The following RABEP1 variants were observed in gnomAD, a reference collection of about 807,000 sequenced individuals.
RABEP1 encodes rabaptin, RAB GTPase binding effector protein 1.
Under a neutral mutation model 123.4 loss-of-function variants are expected in RABEP1, and 51 were observed. The observed-to-expected ratio is 0.41, with a 90% CI of 0.33 to 0.52. The LOEUF (loss-of-function observed/expected upper bound fraction) is 0.52, where lower values mean the gene tolerates loss of function less well. Among genes scored for constraint, RABEP1 ranks in the 20% least tolerant of loss-of-function variants. RABEP1 has a pLI of 0.16. For missense variants in RABEP1, 888 were observed against 996.3 expected (o/e 0.89, Z 1.46); for synonymous variants, 347 against 355.2 (o/e 0.98, Z 0.26).
At chr17:5,329,844 T>TATAA (rs1040436033) in intron 2 of RABEP1, among the ~76,000 whole-genome samples, 6 of 147,646 alleles carry the variant, frequency 4.1e-5, no homozygotes, top group Non-Finnish European at 7.5e-5. Flanking sequence ...TATATATATA[T>TATAA]AACTAAAGTT....
Position 5,353,861 on chromosome 17 carries a change from A to G in RABEP1, c.964-498A>G, listed in dbSNP as rs543592594. 2.3e-3 allele frequency among the ~76,000 whole-genome samples: 348 copies of G among 152,226 alleles called. 2 individuals are homozygous for G. The highest frequency in any genetic ancestry group is 3.4e-3 in the Non-Finnish European group (230 of 67,992). ...TAGGCGGGCGTGGTGGCACATGCCTATGATTCCAGCTATGTGGAGAGGATG... is the reference window on the plus strand; with the variant it reads ...TAGGCGGGCGTGGTGGCACATGCCTGTGATTCCAGCTATGTGGAGAGGATG... On this transcript the variant is annotated intron_variant, in intron 7 of 17. Coordinates refer to ENST00000537505, the MANE Select transcript of RABEP1 (RefSeq NM_004703.6).
intron 5 of RABEP1, among the ~76,000 whole-genome samples, chr17:5,343,821 G>T (rs1290801246): frequency 6.6e-6 from 1 of 151,354 alleles, no homozygotes; most frequent in Non-Finnish European, 1.5e-5. Flanking sequence ...GATTACAGGC[G>T]TGCACCACTG....
chr17:5,333,108 A>C (rs755691703), intron 3 of RABEP1, among the ~76,000 whole-genome samples: 7 of 152,150 alleles, frequency 4.6e-5, no homozygotes, highest in Non-Finnish European at 1.0e-4. Flanking sequence ...GATGATGATG[A>C]AACAAAGTAA....
In RABEP1 at chr17:5,346,797, A is replaced by G; in HGVS notation, c.656A>G (p.Glu219Gly). The change falls in exon 6 of 18, where the codon GAA becomes GGA. Residue 219 changes from glutamate to glycine, a missense_variant. Transcript: ENST00000537505. ...IKELEASKVK[E>G]LNHYLEAEKS... ...AATTGCATCTTCTTTCAGGTTAAAG[A>G]ACTGAATCATTATCTGGAAGCTGAG... 1.3e-6 allele frequency: 2 copies of G among 1,570,262 alleles called. No individual in the cohort carries two copies. Among genetic ancestry groups the G allele is most frequent in the Non-Finnish European group, 1.7e-6 (2 of 1,155,908 alleles).
chr17:5,373,697 CACACACACACACA>C (rs918487187), intron 13 of RABEP1, among the ~76,000 whole-genome samples: 2 of 73,020 alleles, frequency 2.7e-5, no homozygotes, highest in Non-Finnish European at 4.6e-5. Context: ...CAGCTAAACA[CACACACACACACA>C]CACACACACA....
chr17:5,310,600 G>T (rs542488890), intron 2 of RABEP1, among the ~76,000 whole-genome samples: 3 of 152,092 alleles, frequency 2.0e-5, no homozygotes, highest in South Asian at 2.1e-4. Context: ...GAGCCACCAC[G>T]CCTGGCCAAC....
intron 2 of RABEP1, among the ~76,000 whole-genome samples, chr17:5,323,819 A>AATATATATATATATCTAGGAATATAT (rs1567522193): frequency 1.4e-5 from 1 of 70,942 alleles, no homozygotes; most frequent in Non-Finnish European, 2.5e-5. Context: ...TATATCTAGG[A>AATATATATATATATCTAGGAATATAT]ATATATATAT....
chr17:5,353,242 T>A (rs1254415479), intron 7 of RABEP1, among the ~76,000 whole-genome samples: 1 of 152,192 alleles, frequency 6.6e-6, no homozygotes, highest in Non-Finnish European at 1.5e-5. Flanking sequence ...CTGGAACCCT[T>A]AATTGTCTCT....
rs1162044964 is a variant in RABEP1, at chr17:5,335,402, ATAT to A, written c.528+60_528+62del. ...TTGAATTCAAATGCAAAATGCTTTA[ATAT>A]TGTTGTGTAATAGAAAGTAATAGAA... On this transcript the variant is annotated intron_variant, in intron 4 of 17. Transcript: ENST00000537505. 11 of 1,423,232 alleles carry A rather than the reference ATAT, an allele frequency of 7.7e-6. No homozygotes were observed. The African/African-American group carries it at 1.0e-4, about 13-fold the overall frequency. The allele number at this position is 1,423,232 out of a possible 1,614,324, so 88.2% of individuals were successfully genotyped here.
chr17:5,373,718 A>ACACACACACACACACACACC, intron 13 of RABEP1, among the ~76,000 whole-genome samples: 1 of 150,144 alleles, frequency 6.7e-6, no homozygotes, highest in Non-Finnish European at 1.5e-5. Flanking sequence ...ACACACACAC[A>ACACACACACACACACACACC]CACACACACA....
intron 1 of RABEP1, among the ~76,000 whole-genome samples, chr17:5,296,408 C>T (rs1013587969): frequency 2.0e-5 from 3 of 152,078 alleles, no homozygotes; most frequent in African/African-American, 7.2e-5. Flanking sequence ...GGATTACAAG[C>T]ATGTGCCACC....
chr17:5,368,695 A>AT (rs1452085510), intron 12 of RABEP1, among the ~76,000 whole-genome samples: 3 of 152,104 alleles, frequency 2.0e-5, no homozygotes, highest in Non-Finnish European at 4.4e-5. Context: ...CGTTTAACTT[A>AT]TTTTTCTGAT....
Position 5,282,406 on chromosome 17 carries a change from C to A in RABEP1, c.-81C>A. 1 of 1,159,602 alleles carries A rather than the reference C, an allele frequency of 8.6e-7. No homozygotes were observed. Among genetic ancestry groups the A allele is most frequent in the Admixed American group, 3.2e-5 (1 of 30,772 alleles). 71.8% of individuals were successfully genotyped at this position (1,159,602 alleles called of 1,614,324 possible). On this transcript the variant is annotated 5_prime_UTR_variant, in exon 1 of 18. Coordinates refer to ENST00000537505, the MANE Select transcript of RABEP1 (RefSeq NM_004703.6). ...GCGGCGGCGGCGGCTCGGTTGACGCCTCCTCCGCCAGCTGAGCCCGCGGGA... is the reference window on the plus strand; with the variant it reads ...GCGGCGGCGGCGGCTCGGTTGACGCATCCTCCGCCAGCTGAGCCCGCGGGA...
intron 16 of RABEP1, among the ~76,000 whole-genome samples, chr17:5,381,016 C>T (rs778515453): frequency 1.2e-4 from 19 of 152,134 alleles, no homozygotes; most frequent in Non-Finnish European, 2.5e-4. Context: ...CACTAAGTTT[C>T]CTGGTGGATG....
At chr17:5,379,102 C>T (rs72837810) in intron 15 of RABEP1, among the ~76,000 whole-genome samples, 3,718 of 152,290 alleles carry the variant, frequency 0.024, 56 homozygotes, top group Non-Finnish European at 0.04. Context: ...TAAGTTGCGT[C>T]TCTTCCATTC....
chr17:5,341,345 A>G (rs1308056012), intron 5 of RABEP1, among the ~76,000 whole-genome samples: 1 of 152,226 alleles, frequency 6.6e-6, no homozygotes, highest in African/African-American at 2.4e-5. Context: ...TCACACAAAT[A>G]AATTTGAAAA....
intron 1 of RABEP1, among the ~76,000 whole-genome samples, chr17:5,283,174 TTATC>T (rs1020253298): frequency 7.2e-5 from 11 of 152,092 alleles, no homozygotes; most frequent in Non-Finnish European, 1.3e-4. Flanking sequence ...CCTTTATATT[TTATC>T]TATAAAAATA....
chr17:5,364,313 A>C (rs1296895228), intron 10 of RABEP1: 3 of 152,258 alleles, frequency 2.0e-5, no homozygotes, highest in Admixed American at 6.5e-5. Flanking sequence ...GATGTATTGT[A>C]GGAAGTATGA....
chr17:5,308,460 G>A (rs1345817920), intron 1 of RABEP1, among the ~76,000 whole-genome samples: 4 of 152,006 alleles, frequency 2.6e-5, no homozygotes, highest in Non-Finnish European at 4.4e-5. Context: ...TCCTGACCTC[G>A]GGTGATCCGC....
Sources: allele counts gnomAD v4.1 joint callset (sites outside exome capture counted in the v4.1 genomes callset), GRCh38; gene constraint gnomAD v4.1.1; transcripts MANE v1.5; gene names NCBI Gene and HGNC (gene_info 2026-07-23, HGNC 2026-07-21).